Variants in PPARGC1A observed in about 807,000 individuals in gnomAD.
PPARGC1A encodes peroxisome proliferator-activated receptor gamma coactivator 1-alpha.
A neutral mutation model predicts 88.7 loss-of-function variants in PPARGC1A; 25 were observed. That is an observed-to-expected ratio of 0.28 (90% confidence interval 0.21 to 0.39). The LOEUF (loss-of-function observed/expected upper bound fraction) is 0.39. PPARGC1A is among the 10% of genes least tolerant of loss of function. PPARGC1A has a pLI of 1.00. For synonymous variants in PPARGC1A, 363 were observed against 355.6 expected (o/e 1.02, Z -0.24); for missense variants, 880 against 968.7 (o/e 0.91, Z 1.22).
chr4:24,246,131 CAT>C, the PPARGC1A span, among the ~76,000 whole-genome samples: 1 of 152,100 alleles, frequency 6.6e-6, no homozygotes, highest in African/African-American at 2.4e-5. Context: ...GTTTTTGTCT[CAT>C]AGATTTCCTG....
At chr4:24,362,565 C>A in the PPARGC1A span, among the ~76,000 whole-genome samples, 1 of 152,110 alleles carries the variant, frequency 6.6e-6, no homozygotes, top group Admixed American at 6.5e-5. Context: ...CAAGAAGGAG[C>A]CAATGACAGG....
At chr4:24,005,514 T>C in the PPARGC1A span, among the ~76,000 whole-genome samples, 1 of 152,114 alleles carries the variant, frequency 6.6e-6, no homozygotes. Context: ...TCCCTACAGA[T>C]CCTGTCAGAT....
chr4:24,427,506 C>G, the PPARGC1A span, among the ~76,000 whole-genome samples: 12 of 151,996 alleles, frequency 7.9e-5, no homozygotes, highest in Admixed American at 6.6e-4. Context: ...TCTTGAACTC[C>G]TGGACTCAGG....
the PPARGC1A span, among the ~76,000 whole-genome samples, chr4:24,175,543 T>TA: frequency 2.1e-5 from 3 of 144,990 alleles, no homozygotes; most frequent in African/African-American, 7.7e-5. Context: ...CCAAGCTTTT[T>TA]TTTTTTTTTT....
chr4:24,307,895 G>A, the PPARGC1A span, among the ~76,000 whole-genome samples: 4 of 152,196 alleles, frequency 2.6e-5, no homozygotes, highest in African/African-American at 9.7e-5. Flanking sequence ...GGGGAATGGG[G>A]AGAGACATGG....
the PPARGC1A span, among the ~76,000 whole-genome samples, chr4:24,449,561 C>T: frequency 6.6e-6 from 1 of 152,324 alleles, no homozygotes; most frequent in Non-Finnish European, 1.5e-5. Flanking sequence ...CAATGCCTGG[C>T]ACATGATAGA....
the PPARGC1A span, among the ~76,000 whole-genome samples, chr4:24,472,282 C>G: frequency 6.6e-6 from 1 of 151,940 alleles, no homozygotes; most frequent in African/African-American, 2.4e-5. The surrounding 1 kb of genome is among the most constrained non-coding windows in gnomAD (Gnocchi z 4.5). Context: ...CTCCCCACCC[C>G]CTCCCGAGCC....
chr4:24,099,471 ACT>A, the PPARGC1A span, among the ~76,000 whole-genome samples: 11 of 152,034 alleles, frequency 7.2e-5, no homozygotes, highest in African/African-American at 2.7e-4. Flanking sequence ...GGAGAGCAGG[ACT>A]CTCTGCAGCC....
At chr4:23,886,031 G>A (rs1002960281) in intron 1 of PPARGC1A, among the ~76,000 whole-genome samples, 1 of 152,040 alleles carries the variant, frequency 6.6e-6, no homozygotes, top group Non-Finnish European at 1.5e-5. Flanking sequence ...CTACCTAACC[G>A]CTAATGTCAG....
At chr4:24,370,783 C>CTTTTTTTTTTTTTTTTT in the PPARGC1A span, among the ~76,000 whole-genome samples, 12 of 64,452 alleles carry the variant, frequency 1.9e-4, no homozygotes, top group African/African-American at 2.6e-4. Flanking sequence ...TTTTTTTTTA[C>CTTTTTTTTTTTTTTTTT]TTTAAGTTCT....
the PPARGC1A span, among the ~76,000 whole-genome samples, chr4:24,244,355 T>C: frequency 6.6e-6 from 1 of 152,242 alleles, no homozygotes; most frequent in Non-Finnish European, 1.5e-5. Context: ...TTGTCAATTT[T>C]TGAGCATGTA....
At chr4:24,407,993 T>TA in the PPARGC1A span, among the ~76,000 whole-genome samples, 2 of 152,152 alleles carry the variant, frequency 1.3e-5, no homozygotes, top group Admixed American at 6.6e-5. Flanking sequence ...CACTTGAATC[T>TA]AAAAATCAAT....
At chr4:23,805,914 T>C (rs1245462988) in intron 10 of PPARGC1A, among the ~76,000 whole-genome samples, 3 of 152,192 alleles carry the variant, frequency 2.0e-5, no homozygotes. Context: ...ACCATATGTA[T>C]GCCCATATGC....
chr4:24,437,256 T>C, the PPARGC1A span, among the ~76,000 whole-genome samples: 1 of 152,186 alleles, frequency 6.6e-6, no homozygotes, highest in Non-Finnish European at 1.5e-5. Context: ...CAGCAGCCCC[T>C]GGAGGTGAAG....
chr4:24,430,251 A>ATTTTTTTTTTTTT, the PPARGC1A span, among the ~76,000 whole-genome samples: 3 of 131,738 alleles, frequency 2.3e-5, no homozygotes, highest in East Asian at 2.3e-4. Context: ...GATATTTTGT[A>ATTTTTTTTTTTTT]TTTCTTTTTT....
At chr4:24,295,470 G>T in the PPARGC1A span, among the ~76,000 whole-genome samples, 3 of 152,118 alleles carry the variant, frequency 2.0e-5, no homozygotes, top group East Asian at 3.9e-4. Context: ...TGGAGTTTGT[G>T]GGAAAACCAT....
the PPARGC1A span, among the ~76,000 whole-genome samples, chr4:24,089,237 C>A: frequency 2.6e-5 from 4 of 152,166 alleles, no homozygotes; most frequent in Non-Finnish European, 4.4e-5. Context: ...AAAGGCCTTG[C>A]ATCTGAGGCC....
chr4:24,042,578 G>A, the PPARGC1A span, among the ~76,000 whole-genome samples: 1 of 152,168 alleles, frequency 6.6e-6, no homozygotes, highest in South Asian at 2.1e-4. Flanking sequence ...GGAACACAGA[G>A]GGGAACAAAG....
chr4:23,854,172 A>T (rs1428021561), intron 2 of PPARGC1A, among the ~76,000 whole-genome samples: 4 of 152,222 alleles, frequency 2.6e-5, no homozygotes, highest in Non-Finnish European at 5.9e-5. Flanking sequence ...CCATGTGTAC[A>T]TGACAAGTGT....
Sources: allele counts gnomAD v4.1 joint callset (sites outside exome capture counted in the v4.1 genomes callset), GRCh38; gene constraint gnomAD v4.1.1; non-coding constraint Gnocchi (gnomAD v3.1); transcripts MANE v1.5; gene names NCBI Gene and HGNC (gene_info 2026-07-23, HGNC 2026-07-21).